ARHGEF12: variants seen among roughly 807,000 people sequenced by gnomAD.
ARHGEF12 encodes the protein KMT2A/ARHGEF12 fusion protein.
Under a neutral mutation model 211.2 loss-of-function variants are expected in ARHGEF12, and 66 were observed. That is an observed-to-expected ratio of 0.31 (90% CI 0.26 to 0.38). The LOEUF is 0.38. Ranked by LOEUF, ARHGEF12 falls within the 10% of genes least tolerant of loss-of-function variation. The pLI is 1.00. For synonymous variants in ARHGEF12, 592 were observed against 638.4 expected (o/e 0.93, Z 1.09); for missense variants, 1,429 against 1,869.5 (o/e 0.76, Z 4.34).
intron 1 of ARHGEF12, among the ~76,000 whole-genome samples, chr11:120,343,604 T>G (rs938131103): frequency 1.3e-5 from 2 of 152,274 alleles, no homozygotes; most frequent in Non-Finnish European, 2.9e-5. Flanking sequence ...ATTCAAATGC[T>G]GAGTCCTGGT....
chr11:120,409,618 C>T (rs1944822185), intron 4 of ARHGEF12, 168 bp downstream of exon 4: 4 of 626,872 alleles, frequency 6.4e-6, no homozygotes, highest in African/African-American at 3.7e-5. Flanking sequence ...GGGGTTTTAA[C>T]GTGGCTGTGA....
At chr11:120,465,503 G>T in intron 28 of ARHGEF12, 141 bp downstream of exon 28, 1 of 1,104,840 alleles carries the variant, frequency 9.1e-7, no homozygotes, top group Admixed American at 2.5e-5. Context: ...GTCTCGCTGT[G>T]TTGCCCAGGC....
intron 4 of ARHGEF12, among the ~76,000 whole-genome samples, chr11:120,420,427 A>G (rs186299537): frequency 2.6e-5 from 4 of 152,302 alleles, no homozygotes; most frequent in African/African-American, 9.6e-5. Context: ...TTTTTTTACT[A>G]CAGAGAAATA....
intron 1 of ARHGEF12, among the ~76,000 whole-genome samples, chr11:120,366,680 C>T (rs891977499): frequency 1.3e-5 from 2 of 152,160 alleles, no homozygotes; most frequent in Non-Finnish European, 2.9e-5. Context: ...TCCATCTTCT[C>T]CACTCCAAGA....
At chr11:120,356,992 G>T (rs1303049286) in intron 1 of ARHGEF12, among the ~76,000 whole-genome samples, 1 of 151,768 alleles carries the variant, frequency 6.6e-6, no homozygotes, top group Non-Finnish European at 1.5e-5. Context: ...GTATGAATCT[G>T]TCTGACTTCC....
chr11:120,375,659 C>G (rs1443884717), intron 1 of ARHGEF12, among the ~76,000 whole-genome samples: 1 of 151,830 alleles, frequency 6.6e-6, no homozygotes, highest in East Asian at 1.9e-4. Flanking sequence ...TCAGAGTCCC[C>G]TATTATTAAC....
At position 120,481,161 on chromosome 11, in the gene ARHGEF12, CTT is replaced by C. The variant is rs1947223111; in HGVS notation, c.4238-98_4238-97del. 5.4e-6 allele frequency: 6 copies of C among 1,113,570 alleles called. No individual in the cohort carries two copies. The South Asian group carries it at 9.0e-5, about 17-fold the overall frequency. The allele number at this position is 1,113,570 out of a possible 1,614,324, so 69.0% of individuals were successfully genotyped here. ...TCAGGAATTAATGGCTTTTCCCTCT[CTT>C]AATAACTTTTCAAGTTGAAGTTGTC... On this transcript the variant is annotated intron_variant, in intron 38 of 40. Coordinates refer to ENST00000397843, the MANE Select transcript of ARHGEF12 (RefSeq NM_015313.3).
At chr11:120,439,487 A>G (rs1945799818) in intron 12 of ARHGEF12, 1 of 152,332 alleles carries the variant, frequency 6.6e-6, no homozygotes, top group African/African-American at 2.4e-5. Flanking sequence ...TAGACCCTAC[A>G]GCCAAGAACT....
In ARHGEF12 at chr11:120,460,717, C is replaced by T. The variant is rs190209882; in HGVS notation, c.2573C>T (p.Thr858Ile). The change falls in exon 27 of 41, where the codon ACC (threonine) becomes ATC (isoleucine). Residue 858 changes from threonine to isoleucine, a missense_variant. This residue lies in a region of ARHGEF12 where 223 missense variants were observed against 444.6 expected (regional missense o/e 0.50). Coordinates refer to ENST00000397843, the MANE Select transcript of ARHGEF12 (RefSeq NM_015313.3). ...AAGGCTGTTCGAAAGAGAAATGAGACCTCTGTTATCGATCAGATTGGGGAA... is the reference window on the plus strand; with the variant it reads ...AAGGCTGTTCGAAAGAGAAATGAGATCTCTGTTATCGATCAGATTGGGGAA... ...QMKAVRKRNE[T>I]SVIDQIGEDL... The T allele has an allele frequency of 6.8e-6, 11 of 1,613,908 alleles. No homozygotes were observed. The Admixed American group carries it at 1.7e-4, about 24-fold the overall frequency.
chr11:120,346,782 C>T (rs983113358), intron 1 of ARHGEF12, among the ~76,000 whole-genome samples: 2 of 152,140 alleles, frequency 1.3e-5, no homozygotes, highest in African/African-American at 4.8e-5. Context: ...CTTTATTACT[C>T]CAGCAGTTAA....
chr11:120,432,213 C>G (rs939304444), intron 11 of ARHGEF12, among the ~76,000 whole-genome samples: 1 of 152,096 alleles, frequency 6.6e-6, no homozygotes, highest in African/African-American at 2.4e-5. Context: ...TTTACTGAAC[C>G]GAGAGACCAA....
At chr11:120,368,838 C>T (rs910369606) in intron 1 of ARHGEF12, among the ~76,000 whole-genome samples, 1 of 152,060 alleles carries the variant, frequency 6.6e-6, no homozygotes, top group Non-Finnish European at 1.5e-5. Flanking sequence ...CACCCAGTTA[C>T]TAAGCCTAGT....
At chr11:120,449,011 A>T in intron 20 of ARHGEF12, 98 bp from the exon 21 acceptor site, 1 of 1,023,276 alleles carries the variant, frequency 9.8e-7, no homozygotes, top group Non-Finnish European at 1.4e-6. Flanking sequence ...ATTTACACTT[A>T]ACAATTTCTT....
intron 1 of ARHGEF12, among the ~76,000 whole-genome samples, chr11:120,348,416 C>T (rs1942832564): frequency 6.6e-6 from 1 of 152,108 alleles, no homozygotes; most frequent in East Asian, 1.9e-4. Flanking sequence ...ATCCAAAAAT[C>T]CAAAATCAGA....
At chr11:120,380,924 G>A (rs1943860860) in intron 1 of ARHGEF12, among the ~76,000 whole-genome samples, 1 of 152,096 alleles carries the variant, frequency 6.6e-6, no homozygotes. Context: ...TTGGCTATTG[G>A]GAAGGTTTTC....
intron 1 of ARHGEF12, among the ~76,000 whole-genome samples, chr11:120,399,540 A>G (rs10892569): frequency 0.19 from 28,991 of 151,576 alleles, 2,922 homozygotes; most frequent in East Asian, 0.23. Context: ...TACTCAACCA[A>G]TGAATGCATA....
chr11:120,477,883 GA>G (rs1428274429), intron 36 of ARHGEF12, among the ~76,000 whole-genome samples: 233 of 139,038 alleles, frequency 1.7e-3, no homozygotes, highest in Non-Finnish European at 3.1e-3. Context: ...AAGAAAAAAA[GA>G]AAAAAAAGAA....
At chr11:120,372,685 G>A (rs1418159102) in intron 1 of ARHGEF12, among the ~76,000 whole-genome samples, 1 of 151,926 alleles carries the variant, frequency 6.6e-6, no homozygotes, top group African/African-American at 2.4e-5. Flanking sequence ...TCAACTTTTT[G>A]TAAAAAGCAG....
chr11:120,446,241 G>A (rs1445484510), intron 16 of ARHGEF12, among the ~76,000 whole-genome samples, 162 bp from the exon 17 acceptor site: 1 of 145,146 alleles, frequency 6.9e-6, no homozygotes, highest in Non-Finnish European at 1.5e-5. Context: ...TAATAATAGA[G>A]TAAATGAAAT....
Sources: allele counts gnomAD v4.1 joint callset (sites outside exome capture counted in the v4.1 genomes callset), GRCh38; gene constraint gnomAD v4.1.1; regional missense constraint gnomAD v4.1.1; transcripts MANE v1.5; gene names NCBI Gene and HGNC (gene_info 2026-07-23, HGNC 2026-07-21).